Variants in ADCK5 observed in about 807,000 individuals in gnomAD.
ADCK5 encodes the protein uncharacterized aarF domain-containing protein kinase 5.
ADCK5 carries 43 observed loss-of-function variants against 64.9 expected under a neutral mutation model. That is an observed-to-expected ratio of 0.66 (90% CI 0.52 to 0.85). The LOEUF (loss-of-function observed/expected upper bound fraction) is 0.85, where lower values mean the gene tolerates loss of function less well. Among genes scored for constraint, ADCK5 ranks in the 40% least tolerant of loss-of-function variants. The pLI, the probability that ADCK5 is intolerant of heterozygous loss-of-function variation, is 0.00. For missense variants in ADCK5, 760 were observed against 810.5 expected (o/e 0.94, Z 0.76); for synonymous variants, 434 against 342.8 (o/e 1.27, Z -2.94).
In ADCK5 at chr8:144,391,051, CAGG is replaced by C. The variant is rs1564675996; in HGVS notation, c.542_543+1del. 6 of 1,612,258 alleles carry C rather than the reference CAGG, an allele frequency of 3.7e-6. No homozygotes were observed. The highest frequency in any genetic ancestry group is 5.1e-6 in the Non-Finnish European group (6 of 1,179,984). ...GGACAGGGCCCTCAAGCGGGGCTTC[CAGG>C]AGGTGAGTGTGCGCTCAGGCCGAGG... On this transcript the variant is annotated inframe_deletion and splice_region_variant, in exon 5 of 15. Transcript: ENST00000308860.
At chr8:144,387,907 T>G (rs889921502) in intron 3 of ADCK5, among the ~76,000 whole-genome samples, 1 of 151,622 alleles carries the variant, frequency 6.6e-6, no homozygotes, top group Non-Finnish European at 1.5e-5. Flanking sequence ...TAATTTTGTA[T>G]TTTTTAGTAG....
At chr8:144,381,999 G>T (rs1287891055) in intron 2 of ADCK5, among the ~76,000 whole-genome samples, 2 of 131,356 alleles carry the variant, frequency 1.5e-5, no homozygotes, top group Admixed American at 1.5e-4. Context: ...GGCCCCTGCT[G>T]CACTCAGGAT....
rs782407174 is a variant in ADCK5 at position 144,393,099 on chromosome 8, G to A, written c.*25G>A. The A allele has an allele frequency of 1.3e-6, 2 of 1,519,128 alleles. No individual in the cohort carries two copies. Among genetic ancestry groups the A allele is most frequent in the Admixed American group, 2.2e-5 (1 of 45,796 alleles). The allele number at this position is 1,519,128 out of a possible 1,614,324, so 94.1% of individuals were successfully genotyped here. A position where few individuals can be genotyped will look rare whatever the true frequency, so the allele number is the denominator to read the frequency against. ...GGGTGCAGCCGCCCAGGGCCGGCGG[G>A]GCCCTTTTCACCTTGGGCTGACGGA... On this transcript the variant is annotated 3_prime_UTR_variant, in exon 15 of 15. Coordinates refer to ENST00000308860, the MANE Select transcript of ADCK5 (RefSeq NM_174922.5).
chr8:144,385,439 C>T (rs1819874437), intron 3 of ADCK5, among the ~76,000 whole-genome samples: 1 of 151,310 alleles, frequency 6.6e-6, no homozygotes, highest in Non-Finnish European at 1.5e-5. Flanking sequence ...TCAGCTCGGC[C>T]TCTCAAAGTG....
At chr8:144,380,399 G>C (rs1259872246) in intron 2 of ADCK5, among the ~76,000 whole-genome samples, 3 of 150,134 alleles carry the variant, frequency 2.0e-5, no homozygotes, top group African/African-American at 7.5e-5. Flanking sequence ...TTATGGGCCG[G>C]GTGTAGAAAC....
At chr8:144,374,998 T>C (rs1217975240) in intron 1 of ADCK5, among the ~76,000 whole-genome samples, 1 of 152,170 alleles carries the variant, frequency 6.6e-6, no homozygotes, top group African/African-American at 2.4e-5. Context: ...CAGCAGAGCT[T>C]GTGTTTGGCG....
In ADCK5 at chr8:144,392,338, G is replaced by GGTGCAAGGTGAGGGA; in HGVS notation, c.1267+7_1267+8insAGTGCAAGGTGAGGG. ...TGAGGGCGCACGCAGCCGCACTGGGGGTGCAAGGTGAGGGCGTGCGGGGAT... is the reference window on the plus strand; with the variant it reads ...TGAGGGCGCACGCAGCCGCACTGGGGGTGCAAGGTGAGGGAGTGCAAGGTGAGGGCGTGCGGGGAT... On this transcript the variant is annotated inframe_insertion, in exon 12 of 15. Coordinates refer to ENST00000308860, the MANE Select transcript of ADCK5 (RefSeq NM_174922.5). 6.7e-7 allele frequency: 1 copy of GGTGCAAGGTGAGGGA among 1,494,118 alleles called. No homozygotes were observed. Among genetic ancestry groups the GGTGCAAGGTGAGGGA allele is most frequent in the Non-Finnish European group, 8.9e-7 (1 of 1,124,848 alleles). 92.6% of individuals were successfully genotyped at this position (1,494,118 alleles called of 1,614,324 possible). A position where few individuals can be genotyped will look rare whatever the true frequency, so the allele number is the denominator to read the frequency against.
rs1820156988 is a variant in ADCK5, at chr8:144,390,391, T to C, written c.267-280T>C. On this transcript the variant is annotated intron_variant, in intron 3 of 14. Transcript: ENST00000308860. ...TGATCCTCCCAGCACAGCCTCCCAA[T>C]GTGATGGGATAATTGACATGAGCCA... Among the ~76,000 whole-genome samples the C allele has an allele frequency of 2.0e-5, 3 of 152,254 alleles. No homozygotes were observed. The South Asian group carries it at 6.2e-4, about 32-fold the overall frequency.
rs1819844392 is a variant in ADCK5, at chr8:144,384,946, G to A, written c.266+1716G>A. Among the ~76,000 whole-genome samples, 1 of 152,102 alleles carries A rather than the reference G, an allele frequency of 6.6e-6. No homozygotes were observed. Among genetic ancestry groups the A allele is most frequent in the Non-Finnish European group, 1.5e-5 (1 of 67,984 alleles). On this transcript the variant is annotated intron_variant, in intron 3 of 14. Coordinates refer to ENST00000308860, the MANE Select transcript of ADCK5 (RefSeq NM_174922.5). The surrounding 1 kb of genome is among the most constrained non-coding windows in gnomAD (Gnocchi z 5.7). ...CAAGCAGGCCTGTGGAGCTTCCCTGGCAGGGCACAGGGTAGCCTGGGAACA... is the reference window on the plus strand; with the variant it reads ...CAAGCAGGCCTGTGGAGCTTCCCTGACAGGGCACAGGGTAGCCTGGGAACA...
Position 144,392,739 on chromosome 8 carries a change from TGTG to T in ADCK5, c.1521-35_1521-33del, listed in dbSNP as rs543650083. ...GGCGCCCGGGCCGTGGTGGGGCTGG[TGTG>T]GGGCTGACGCGGCGCTAACGCGGGT... On this transcript the variant is annotated intron_variant, in intron 13 of 14. Transcript: ENST00000308860. The T allele has an allele frequency of 4.4e-4, 698 of 1,587,476 alleles. 7 individuals are homozygous for T. In the South Asian group the frequency reaches 7.4e-3, roughly 17 times the overall value.
chr8:144,381,156 G>T (rs28574752), intron 2 of ADCK5, among the ~76,000 whole-genome samples: 1 of 146,468 alleles, frequency 6.8e-6, no homozygotes, highest in African/African-American at 2.6e-5. Flanking sequence ...TATGGGCCGG[G>T]TGTAGAAACA....
rs1554857692 is a variant in ADCK5, at chr8:144,379,407, C to T, written c.33C>T (p.His11=). 1 of 1,609,090 alleles carries T rather than the reference C, an allele frequency of 6.2e-7. No homozygotes were observed. Among genetic ancestry groups the T allele is most frequent in the Non-Finnish European group, 8.5e-7 (1 of 1,177,160 alleles). ...TGCAGGTGCAGCTCTGTCATTTCCACTCTGCTCTGCTGCACAGCAGGCAGA... is the reference window on the plus strand; with the variant it reads ...TGCAGGTGCAGCTCTGTCATTTCCATTCTGCTCTGCTGCACAGCAGGCAGA... MWRPVQLCHF[H]SALLHSRQKP... Residue 11 remains histidine, a synonymous_variant, in exon 2 of 15, where the codon CAC becomes CAT. Transcript: ENST00000308860.
At chr8:144,387,340 C>T (rs782094123) in intron 3 of ADCK5, among the ~76,000 whole-genome samples, 1 of 152,138 alleles carries the variant, frequency 6.6e-6, no homozygotes, top group Non-Finnish European at 1.5e-5. Flanking sequence ...TGTAATTAGC[C>T]GTATGGAGGC....
In ADCK5 at chr8:144,392,101, G is replaced by A; in HGVS notation, c.1106G>A (p.Arg369Gln). The change falls in exon 11 of 15, where the codon CGG (arginine) becomes CAG (glutamine). Residue 369 changes from arginine to glutamine, a missense_variant. Transcript: ENST00000308860. The stretch of plus-strand genomic sequence containing the variant: ...GAGGCTGTATCCCTAGTTCTGGTGC[G>A]GAAAGGCCCGGACGGGAAAGCGGAG... ...SDPHPGNVLV[R>Q]KGPDGKAELV... 1.2e-6 allele frequency: 2 copies of A among 1,612,026 alleles called. No individual in the cohort carries two copies. Among genetic ancestry groups the A allele is most frequent in the Non-Finnish European group, 1.7e-6 (2 of 1,179,822 alleles).
In ADCK5 at chr8:144,392,529, A is replaced by AG; in HGVS notation, c.1354dup (p.Ala452GlyfsTer55). The AG allele has an allele frequency of 1.3e-6, 2 of 1,555,980 alleles. No homozygotes were observed. Among genetic ancestry groups the AG allele is most frequent in the Non-Finnish European group, 1.7e-6 (2 of 1,156,914 alleles). On this transcript the variant is annotated frameshift_variant, in exon 13 of 15. Coordinates refer to ENST00000308860, the MANE Select transcript of ADCK5 (RefSeq NM_174922.5). LOFTEE classifies it high-confidence loss of function. ...GGCTCGCACCTACTGAGCCGCGAAG[A>AG]GGCGGCCTACATGGTGGACATGGCC...
In ADCK5 at chr8:144,392,609, C is replaced by G; in HGVS notation, c.1432C>G (p.Leu478Val). Residue 478 changes from leucine to valine, a missense_variant, in exon 13 of 15, where the codon CTG becomes GTG. This residue lies in a region of ADCK5 where 333 missense variants were observed against 292.0 expected (regional missense o/e 1.14). Coordinates refer to ENST00000308860, the MANE Select transcript of ADCK5 (RefSeq NM_174922.5). ...AVLRELPRPMLLVLRNINTVR... is the reference protein window; with the variant it reads ...AVLRELPRPMVLVLRNINTVR... ...GCTCAGGGAGCTGCCGCGGCCCATG[C>G]TGCTGGTGCTGCGCAACATCAACAC... 1 of 1,585,128 alleles carries G rather than the reference C, an allele frequency of 6.3e-7. No individual in the cohort carries two copies. Among genetic ancestry groups the G allele is most frequent in the Non-Finnish European group, 8.5e-7 (1 of 1,169,898 alleles).
chr8:144,392,242 A>C lies in ADCK5; in HGVS notation c.1176-12A>C. 1 of 1,541,636 alleles carries C rather than the reference A, an allele frequency of 6.5e-7. No homozygotes were observed. The highest frequency in any genetic ancestry group is 1.2e-5 in the South Asian group (1 of 84,070). Reference sequence around the variant, plus strand: ...GCAGGGAGCTCATGGCTGCGGGCCCATCCACACCCAGGGACCGCGCAGCCC... The same window carrying C: ...GCAGGGAGCTCATGGCTGCGGGCCCCTCCACACCCAGGGACCGCGCAGCCC... On this transcript the variant is annotated splice_polypyrimidine_tract_variant and intron_variant, in intron 11 of 14. Coordinates refer to ENST00000308860, the MANE Select transcript of ADCK5 (RefSeq NM_174922.5).
chr8:144,391,060 AGT>A lies in ADCK5; in HGVS notation c.543+8_543+9del. 6.2e-7 allele frequency: 1 copy of A among 1,611,882 alleles called. No individual in the cohort carries two copies. Among genetic ancestry groups the A allele is most frequent in the Non-Finnish European group, 8.5e-7 (1 of 1,179,956 alleles). ...CCTCAAGCGGGGCTTCCAGGAGGTG[AGT>A]GTGCGCTCAGGCCGAGGGAGGTGGG... On this transcript the variant is annotated splice_donor_5th_base_variant and intron_variant, in intron 5 of 14. Transcript: ENST00000308860.
At chr8:144,380,190 A>C (rs2130693296) in intron 2 of ADCK5, among the ~76,000 whole-genome samples, 1 of 152,340 alleles carries the variant, frequency 6.6e-6, no homozygotes, top group South Asian at 2.1e-4. Flanking sequence ...CCGGGTGTAG[A>C]AACAGATGTG....
Sources: allele counts gnomAD v4.1 joint callset (sites outside exome capture counted in the v4.1 genomes callset), GRCh38; gene constraint gnomAD v4.1.1; regional missense constraint gnomAD v4.1.1; non-coding constraint Gnocchi (gnomAD v3.1); transcripts MANE v1.5; gene names NCBI Gene and HGNC (gene_info 2026-07-23, HGNC 2026-07-21).